NNT: variants seen among roughly 807,000 people sequenced by gnomAD.
NNT encodes NAD(P) transhydrogenase, mitochondrial.
NNT carries 50 observed loss-of-function variants against 104.8 expected under a neutral mutation model. The observed-to-expected ratio is 0.48, with a 90% CI of 0.38 to 0.60. The LOEUF is 0.60. NNT is among the 20% of genes least tolerant of loss of function. NNT has a pLI of 0.00. For missense variants in NNT, 1,131 were observed against 1,330.7 expected (o/e 0.85, Z 2.33); for synonymous variants, 461 against 490.4 (o/e 0.94, Z 0.79).
At chr5:43,692,375 G>C (rs922201978) in intron 19 of NNT, among the ~76,000 whole-genome samples, 1 of 152,026 alleles carries the variant, frequency 6.6e-6, no homozygotes, top group Non-Finnish European at 1.5e-5. Flanking sequence ...CCAGGCTGGA[G>C]TGCAGTGGCG....
chr5:43,613,517 T>C (rs548311978), intron 3 of NNT: 1 of 167,192 alleles, frequency 6.0e-6, no homozygotes, highest in South Asian at 1.6e-4. Flanking sequence ...TGTTCAGTGA[T>C]CTTCTGACAC....
chr5:43,615,936 C>T lies in NNT; in HGVS notation c.470C>T (p.Pro157Leu), dbSNP rs776255231. The T allele has an allele frequency of 2.5e-6, 4 of 1,614,076 alleles. No individual in the cohort carries two copies. The South Asian group carries it at 4.4e-5, about 18-fold the overall frequency. The change falls in exon 4 of 22, where the codon CCA (proline) becomes CTA (leucine). Residue 157 changes from proline to leucine, a missense_variant. Physicochemically the swap from Pro to Leu is moderately conservative, Grantham distance 98. Coordinates refer to ENST00000344920, the MANE Select transcript of NNT (RefSeq NM_182977.3). ...TSGTLISFIY[P>L]AQNPELLNKL... ...GGAACGCTGATTAGTTTTATTTACCCAGCCCAAAATCCAGAGTTGCTAAAT... is the reference window on the plus strand; with the variant it reads ...GGAACGCTGATTAGTTTTATTTACCTAGCCCAAAATCCAGAGTTGCTAAAT...
chr5:43,616,124 A>G lies in NNT; in HGVS notation c.599+59A>G, dbSNP rs1194795848. On this transcript the variant is annotated intron_variant, in intron 4 of 21. Transcript: ENST00000344920. ...GCAATAGTGCTACAGAAACCTTCAC[A>G]CTGTAGCTCTTCTGTCTTACAGTGA... is the stretch of plus-strand genomic sequence containing the variant. 1.0e-5 allele frequency: 13 copies of G among 1,298,656 alleles called. No homozygotes were observed. In the Middle Eastern group the frequency reaches 9.3e-4, roughly 92 times the overall value. The allele number at this position is 1,298,656 out of a possible 1,614,324, so 80.4% of individuals were successfully genotyped here. A position where few individuals can be genotyped will look rare whatever the true frequency, so the allele number is the denominator to read the frequency against.
At chr5:43,644,076 A>ATCC (rs1751377583) in intron 7 of NNT, 116 bp from the exon 8 acceptor site, 2 of 962,924 alleles carry the variant, frequency 2.1e-6, no homozygotes, top group Non-Finnish European at 3.1e-6. Context: ...TCTCTTGGAA[A>ATCC]GAGTTAAAAT....
intron 14 of NNT, among the ~76,000 whole-genome samples, chr5:43,654,374 T>G (rs78039067): frequency 6.6e-5 from 10 of 152,252 alleles, no homozygotes; most frequent in African/African-American, 2.4e-4. Context: ...TGAGATGTTT[T>G]GACTGTAGCT....
Position 43,649,250 on chromosome 5 carries a change from C to T in NNT, c.1548C>T (p.Val516=). 3.1e-6 allele frequency: 5 copies of T among 1,614,174 alleles called. No individual in the cohort carries two copies. The highest frequency in any genetic ancestry group is 4.2e-6 in the Non-Finnish European group (5 of 1,180,018). ...GLAGIVGYHT[V]WGVTPALHSP... Reference sequence around the variant, plus strand: ...CTGGCATTGTGGGGTATCATACCGTCTGGGGAGTGACCCCTGCTCTCCACT... The same window carrying T: ...CTGGCATTGTGGGGTATCATACCGTTTGGGGAGTGACCCCTGCTCTCCACT... Residue 516 remains valine (V), a synonymous_variant, in exon 11 of 22, where the codon GTC becomes GTT. Transcript: ENST00000344920.
At chr5:43,652,969 A>G (rs796416859) in intron 13 of NNT, 49 bp from the exon 14 acceptor site, 5 of 1,466,124 alleles carry the variant, frequency 3.4e-6, no homozygotes, top group Non-Finnish European at 4.7e-6. Flanking sequence ...TCTCTAAGCT[A>G]ATAGACCAAA....
intron 7 of NNT, among the ~76,000 whole-genome samples, chr5:43,634,535 A>G (rs1365686851): frequency 6.6e-6 from 1 of 152,142 alleles, no homozygotes; most frequent in African/African-American, 2.4e-5. Flanking sequence ...CAATTCTTTT[A>G]TATTACTTTT....
chr5:43,655,769 G>C, intron 14 of NNT, 71 bp from the exon 15 acceptor site: 1 of 1,041,992 alleles, frequency 9.6e-7, no homozygotes, highest in Non-Finnish European at 1.5e-6. Context: ...AAATCCTTAA[G>C]GGTGATCTTT....
At chr5:43,660,715 C>T (rs192130178) in intron 17 of NNT, among the ~76,000 whole-genome samples, 97 of 152,236 alleles carry the variant, frequency 6.4e-4, no homozygotes, top group Middle Eastern at 3.4e-3. Flanking sequence ...CTTACCATAG[C>T]GGAGAAGGGG....
chr5:43,704,214 G>T, intron 21 of NNT, 41 bp from the exon 22 acceptor site: 1 of 1,505,278 alleles, frequency 6.6e-7, no homozygotes. Flanking sequence ...TCCTAGGTTG[G>T]TCTGTTAAAT....
rs1357109946 is a variant in NNT at position 43,619,128 on chromosome 5, A to T, written c.687+9A>T. 1.3e-6 allele frequency: 2 copies of T among 1,495,606 alleles called. No individual in the cohort carries two copies. Among genetic ancestry groups the T allele is most frequent in the Non-Finnish European group, 1.8e-6 (2 of 1,109,012 alleles). 92.6% of individuals were successfully genotyped at this position (1,495,606 alleles called of 1,614,324 possible). A position where few individuals can be genotyped will look rare whatever the true frequency, so the allele number is the denominator to read the frequency against. The stretch of plus-strand genomic sequence containing the variant: ...AAGTTCCTCCAGCTAAGGTAGGTAC[A>T]ACTTTTAATGTTTCTTTATAATATG... On this transcript the variant is annotated intron_variant, in intron 5 of 21. Transcript: ENST00000344920.
chr5:43,691,084 T>TGG (rs1350804893), intron 19 of NNT, among the ~76,000 whole-genome samples: 3 of 151,178 alleles, frequency 2.0e-5, no homozygotes, highest in Non-Finnish European at 4.4e-5. Flanking sequence ...TGTGTGTGTG[T>TGG]GTGTGTGTGT....
At chr5:43,660,372 G>A (rs879382768) in intron 17 of NNT, among the ~76,000 whole-genome samples, 33 of 152,080 alleles carry the variant, frequency 2.2e-4, no homozygotes, top group African/African-American at 6.5e-4. Flanking sequence ...TTTGTTTCAA[G>A]TTCTCTTCTT....
chr5:43,667,548 G>C (rs1279581445), intron 17 of NNT, among the ~76,000 whole-genome samples: 6 of 152,124 alleles, frequency 3.9e-5, no homozygotes, highest in African/African-American at 1.4e-4. Context: ...ATAGTTTGCT[G>C]AGAATGATGG....
At position 43,615,695 on chromosome 5, in the gene NNT, A is replaced by G. The variant is rs6893428; in HGVS notation, c.382-153A>G. Among the ~76,000 whole-genome samples, 656 of 152,284 alleles carry G rather than the reference A, an allele frequency of 4.3e-3. 1 individual carries two copies. Among genetic ancestry groups the G allele is most frequent in the African/African-American group, 0.015 (627 of 41,556 alleles). On this transcript the variant is annotated intron_variant, in intron 3 of 21. Coordinates refer to ENST00000344920, the MANE Select transcript of NNT (RefSeq NM_182977.3). ...GATGGTATACCTCTGTGTGTGCCTT[A>G]TATTGCTTAAGAATTTAGTCAGAAA...
intron 3 of NNT, chr5:43,613,366 T>G (rs1193861886): frequency 4.3e-6 from 2 of 464,500 alleles, no homozygotes; most frequent in Non-Finnish European, 7.6e-6. Flanking sequence ...GATCTTCATT[T>G]TTACATTTGC....
At chr5:43,700,262 G>A (rs748417769) in intron 20 of NNT, 25 bp downstream of exon 20, 2 of 1,520,402 alleles carry the variant, frequency 1.3e-6, no homozygotes, top group South Asian at 2.3e-5. Context: ...CAATTGTGAA[G>A]TTTAAATATT....
At chr5:43,698,218 A>G (rs868721221) in intron 19 of NNT, among the ~76,000 whole-genome samples, 5 of 151,956 alleles carry the variant, frequency 3.3e-5, no homozygotes, top group Middle Eastern at 6.8e-3. Context: ...ATATATATAT[A>G]TTGCAAATCC....
Sources: allele counts gnomAD v4.1 joint callset (sites outside exome capture counted in the v4.1 genomes callset), GRCh38; gene constraint gnomAD v4.1.1; transcripts MANE v1.5; gene names NCBI Gene and HGNC (gene_info 2026-07-23, HGNC 2026-07-21).